Variants in PCDHGA6 observed in about 807,000 individuals in gnomAD.
PCDHGA6 encodes the protein protocadherin gamma subfamily A, 6.
Under a neutral mutation model 60.6 loss-of-function variants are expected in PCDHGA6, and 41 were observed. The ratio of observed to expected loss-of-function variants is 0.68; its 90% confidence interval spans 0.53 to 0.88. PCDHGA6 has a LOEUF of 0.88. Among genes scored for constraint, PCDHGA6 ranks in the 40% least tolerant of loss-of-function variants. The pLI is 0.00. For missense variants in PCDHGA6, 1,312 were observed against 1,203.0 expected (o/e 1.09, Z -1.34); for synonymous variants, 594 against 524.4 (o/e 1.13, Z -1.81).
chr5:141,420,968 T>A (rs1031890748), intron 1 of PCDHGA6: 1 of 441,548 alleles, frequency 2.3e-6, no homozygotes, highest in Non-Finnish European at 4.0e-6. Context: ...GTTGCAATAA[T>A]AAGAATGGGC....
At chr5:141,447,275 G>C (rs2098532748) in intron 1 of PCDHGA6, among the ~76,000 whole-genome samples, 1 of 152,154 alleles carries the variant, frequency 6.6e-6, no homozygotes, top group African/African-American at 2.4e-5. Flanking sequence ...AAGTAGCTGG[G>C]ACTACAGGCA....
intron 1 of PCDHGA6, among the ~76,000 whole-genome samples, chr5:141,482,771 A>ACCTAAAATCTCAAACAC (rs1168136626): frequency 4.9e-5 from 7 of 141,414 alleles, no homozygotes; most frequent in African/African-American, 8.5e-5. Flanking sequence ...ATTATCACTG[A>ACCTAAAATCTCAAACAC]ACCTTAAACT....
At chr5:141,428,174 G>A (rs962782246) in intron 1 of PCDHGA6, 3 of 1,515,246 alleles carry the variant, frequency 2.0e-6, no homozygotes, top group Non-Finnish European at 2.7e-6. Context: ...TGTGCGTGAC[G>A]GAGGACAGCC....
intron 1 of PCDHGA6, among the ~76,000 whole-genome samples, chr5:141,481,215 G>T (rs1238465869): frequency 6.6e-6 from 1 of 152,152 alleles, no homozygotes; most frequent in Non-Finnish European, 1.5e-5. Context: ...AACATGGTAA[G>T]GTCTCCCAGC....
At chr5:141,421,994 T>A (rs765586654) in intron 1 of PCDHGA6, 3 of 1,608,922 alleles carry the variant, frequency 1.9e-6, no homozygotes, top group Non-Finnish European at 2.5e-6. Flanking sequence ...CCAGAAAACA[T>A]CAGCTCCGGA....
At chr5:141,404,176 A>C (rs763166170) in intron 1 of PCDHGA6, 2 of 1,613,206 alleles carry the variant, frequency 1.2e-6, no homozygotes, top group African/African-American at 2.7e-5. Context: ...TGACGGCCCA[A>C]ATTCTTGACC....
At chr5:141,419,201 A>C in intron 1 of PCDHGA6, 1 of 1,613,998 alleles carries the variant, frequency 6.2e-7, no homozygotes, top group South Asian at 1.1e-5. Context: ...CGTCAATGAC[A>C]ACGCGCCGGT....
rs373882091 is a variant in PCDHGA6 at position 141,432,369 on chromosome 5, A to T, written c.2424+55862A>T. 1.2e-6 allele frequency: 2 copies of T among 1,614,104 alleles called. No homozygotes were observed. Among genetic ancestry groups the T allele is most frequent in the African/African-American group, 2.7e-5 (2 of 74,938 alleles). On this transcript the variant is annotated intron_variant, in intron 1 of 3. Transcript: ENST00000517434. The surrounding 1 kb of genome is among the most constrained non-coding windows in gnomAD (Gnocchi z 6.0). Reference sequence around the variant, plus strand: ...CAAGTGAAAGTGATGGCGCGGGACAACGGGCACCCGCCCCTCAGCAGCAAC... The same window carrying T: ...CAAGTGAAAGTGATGGCGCGGGACATCGGGCACCCGCCCCTCAGCAGCAAC...
Position 141,431,432 on chromosome 5 carries a change from AC to A in PCDHGA6, c.2424+54927del. 2 of 1,613,692 alleles carry A rather than the reference AC, an allele frequency of 1.2e-6. No individual in the cohort carries two copies. Among genetic ancestry groups the A allele is most frequent in the Non-Finnish European group, 1.7e-6 (2 of 1,180,026 alleles). On this transcript the variant is annotated intron_variant, in intron 1 of 3. Transcript: ENST00000517434. The surrounding 1 kb of genome is among the most constrained non-coding windows in gnomAD (Gnocchi z 4.8). ...CGGGGGCGACCCGGTGCGCACAGGC[AC>A]CGCGCGCATCCGCGTGATGGTTCTG... is the stretch of plus-strand genomic sequence containing the variant.
chr5:141,427,820 G>A (rs2097075272), intron 1 of PCDHGA6: 2 of 1,532,144 alleles, frequency 1.3e-6, no homozygotes, highest in East Asian at 4.5e-5. Flanking sequence ...GCGGGGTGGT[G>A]GTCGCGCAGC....
In PCDHGA6 at chr5:141,486,369, C is replaced by T; in HGVS notation, c.2425-8438C>T. 8 of 1,614,128 alleles carry T rather than the reference C, an allele frequency of 5.0e-6. No homozygotes were observed. The highest frequency in any genetic ancestry group is 6.8e-6 in the Non-Finnish European group (8 of 1,179,996). On this transcript the variant is annotated intron_variant, in intron 1 of 3. Coordinates refer to ENST00000517434, the MANE Select transcript of PCDHGA6 (RefSeq NM_018919.3). The surrounding 1 kb of genome is among the most constrained non-coding windows in gnomAD (Gnocchi z 5.0). ...GACCACTTGCCATTTGCCCTCAAGT[C>T]TGCCTTCAGGAACCAGTTCTCCCTG...
rs763187246 is a variant in PCDHGA6 at position 141,477,168 on chromosome 5, A to G, written c.2425-17639A>G. ...GTGGATGTGAATGACAACGCCCCGGAGATCACAGTCACCTCCGTGTACAGC... is the reference window on the plus strand; with the variant it reads ...GTGGATGTGAATGACAACGCCCCGGGGATCACAGTCACCTCCGTGTACAGC... On this transcript the variant is annotated intron_variant, in intron 1 of 3. Transcript: ENST00000517434. The surrounding 1 kb of genome is among the most constrained non-coding windows in gnomAD (Gnocchi z 4.9). The G allele has an allele frequency of 6.2e-7, 1 of 1,614,210 alleles. No homozygotes were observed. Among genetic ancestry groups the G allele is most frequent in the Non-Finnish European group, 8.5e-7 (1 of 1,180,040 alleles).
chr5:141,380,369 A>G (rs1776432009), intron 1 of PCDHGA6, among the ~76,000 whole-genome samples: 1 of 152,238 alleles, frequency 6.6e-6, no homozygotes, highest in Non-Finnish European at 1.5e-5. Context: ...TAGAAAAAAA[A>G]GTCCCAAAAA....
At chr5:141,420,001 C>T in intron 1 of PCDHGA6, 1 of 1,614,084 alleles carries the variant, frequency 6.2e-7, no homozygotes, top group Non-Finnish European at 8.5e-7. Flanking sequence ...TTGCTCTACG[C>T]CTGCGACAGT....
intron 1 of PCDHGA6, chr5:141,418,954 T>G (rs1490406390): frequency 6.2e-7 from 1 of 1,613,914 alleles, no homozygotes; most frequent in East Asian, 2.2e-5. Flanking sequence ...CAGGAGTGGT[T>G]GTTGCCCTCT....
At chr5:141,449,198 A>C (rs2098631518) in intron 1 of PCDHGA6, among the ~76,000 whole-genome samples, 1 of 152,188 alleles carries the variant, frequency 6.6e-6, no homozygotes, top group Non-Finnish European at 1.5e-5. Context: ...AAGAAGTGTT[A>C]ATTCTAACTT....
chr5:141,442,232 T>A (rs1303447766), intron 1 of PCDHGA6: 2 of 153,276 alleles, frequency 1.3e-5, no homozygotes, highest in Non-Finnish European at 2.9e-5. Context: ...TTCCTTTTTA[T>A]TCTTCCTGAT....
chr5:141,391,071 T>C (rs905482954), intron 1 of PCDHGA6: 2 of 152,220 alleles, frequency 1.3e-5, no homozygotes, highest in African/African-American at 4.8e-5. Context: ...CCCTAATATA[T>C]AATGTGTAAC....
chr5:141,468,374 C>T (rs1340499708), intron 1 of PCDHGA6: 2 of 150,736 alleles, frequency 1.3e-5, no homozygotes, highest in Non-Finnish European at 3.0e-5. Context: ...ATAACTCAGC[C>T]ATACAAGGCT....
Sources: allele counts gnomAD v4.1 joint callset (sites outside exome capture counted in the v4.1 genomes callset), GRCh38; gene constraint gnomAD v4.1.1; non-coding constraint Gnocchi (gnomAD v3.1); transcripts MANE v1.5; gene names NCBI Gene and HGNC (gene_info 2026-07-23, HGNC 2026-07-21).